MGAT4D: variants seen among roughly 807,000 people sequenced by gnomAD.
MGAT4D encodes the protein alpha-1,3-mannosyl-glycoprotein 4-beta-N-acetylglucosaminyltransferase-like protein MGAT4D.
MGAT4D carries 34 observed loss-of-function variants against 15.9 expected under a neutral mutation model. That is an observed-to-expected ratio of 2.14 (90% CI 1.62 to 2.84). The LOEUF (loss-of-function observed/expected upper bound fraction) is 2.84, where lower values mean the gene tolerates loss of function less well. Ranked by LOEUF, MGAT4D falls within the 30% of genes most tolerant of loss-of-function variation. The pLI is 0.00. For missense variants in MGAT4D, 327 were observed against 140.2 expected, an observed-to-expected ratio of 2.33 and a Z score of -6.73; for synonymous variants, 112 against 48.2, an observed-to-expected ratio of 2.33 and a Z score of -5.49.
intron 8 of MGAT4D, 127 bp from the exon 9 acceptor site, chr4:140,456,846 C>T (rs17005942): frequency 0.18 from 88,760 of 479,798 alleles, 8,621 homozygotes; most frequent in South Asian, 0.26. Context: ...GATTAAAGCA[C>T]TGCTGAAGTT....
At chr4:140,454,062 T>C (rs569388845) in intron 9 of MGAT4D, among the ~76,000 whole-genome samples, 6 of 152,104 alleles carry the variant, frequency 3.9e-5, no homozygotes, top group African/African-American at 1.4e-4. Context: ...ATTTTCTACA[T>C]AGACAATCAT....
intron 7 of MGAT4D, among the ~76,000 whole-genome samples, chr4:140,460,039 C>G (rs577342555): frequency 3.5e-4 from 53 of 152,000 alleles, no homozygotes; most frequent in African/African-American, 1.2e-3. Context: ...CCCAAAGTGC[C>G]GAGATTACAG....
At chr4:140,459,733 G>T (rs1731042262) in intron 7 of MGAT4D, 107 bp from the exon 8 acceptor site, 2 of 302,822 alleles carry the variant, frequency 6.6e-6, no homozygotes. Context: ...GAAGAAAATG[G>T]TTTTATAAAA....
chr4:140,447,569 C>T (rs1476982945), intron 10 of MGAT4D, among the ~76,000 whole-genome samples: 1 of 152,104 alleles, frequency 6.6e-6, no homozygotes, highest in Non-Finnish European at 1.5e-5. Flanking sequence ...TTTCTCCATC[C>T]ATTTATTTTG....
At chr4:140,457,155 G>T (rs190905743) in intron 8 of MGAT4D, 1 of 151,820 alleles carries the variant, frequency 6.6e-6, no homozygotes, top group Admixed American at 6.6e-5. Context: ...TCTCATTTCA[G>T]TATTTGAGCA....
chr4:140,455,905 C>T (rs1189929872), intron 9 of MGAT4D, among the ~76,000 whole-genome samples: 15 of 152,128 alleles, frequency 9.9e-5, no homozygotes, highest in African/African-American at 2.6e-4. Context: ...TGGAGGGCAA[C>T]GTGGGCTGAT....
intron 3 of MGAT4D, 110 bp downstream of exon 3, chr4:140,479,380 T>C (rs1732544519): frequency 2.7e-6 from 1 of 364,862 alleles, no homozygotes; most frequent in Non-Finnish European, 4.9e-6. Flanking sequence ...AGATAGGCTG[T>C]AGTCTGCATA....
At chr4:140,454,929 T>C (rs1730702918) in intron 9 of MGAT4D, among the ~76,000 whole-genome samples, 1 of 146,494 alleles carries the variant, frequency 6.8e-6, no homozygotes, top group Admixed American at 7.0e-5. Flanking sequence ...TGGAGTATGC[T>C]GTGGAACTCC....
At chr4:140,449,754 C>T (rs930110545) in intron 10 of MGAT4D, among the ~76,000 whole-genome samples, 51 of 50,564 alleles carry the variant, frequency 1.0e-3, no homozygotes, top group African/African-American at 2.0e-3. Flanking sequence ...AGTGAGACTC[C>T]TTCTCAAAAA....
At chr4:140,443,638 CAATTTT>C (rs991624346) in intron 10 of MGAT4D, among the ~76,000 whole-genome samples, 194 bp from the exon 11 acceptor site, 1 of 152,058 alleles carries the variant, frequency 6.6e-6, no homozygotes, top group Admixed American at 6.6e-5. Flanking sequence ...TAGACAATGC[CAATTTT>C]AATACTCTTA....
chr4:140,451,461 G>A lies in MGAT4D; in HGVS notation c.1065C>T (p.Phe355=). Residue 355 remains phenylalanine, a synonymous_variant, in exon 10 of 11, where the codon TTC becomes TTT. Coordinates refer to ENST00000511113, the MANE Select transcript of MGAT4D (RefSeq NM_001277353.2). ...ATGATGAATGTATACCCACATGCTG[G>A]AAAAGAGAAGGTTTATACTGAATAC... ...QIRIQYKPSL[F]QHVGIHSSFP... 1 of 631,772 alleles carries A rather than the reference G, an allele frequency of 1.6e-6. No individual in the cohort carries two copies. Among genetic ancestry groups the A allele is most frequent in the Non-Finnish European group, 2.9e-6 (1 of 345,522 alleles). The allele number at this position is 631,772 out of a possible 1,614,324, so 39.1% of individuals were successfully genotyped here. A position where few individuals can be genotyped will look rare whatever the true frequency, so the allele number is the denominator to read the frequency against.
At chr4:140,495,606 A>T (rs1733785449) in intron 1 of MGAT4D, among the ~76,000 whole-genome samples, 1 of 152,234 alleles carries the variant, frequency 6.6e-6, no homozygotes, top group Non-Finnish European at 1.5e-5. Flanking sequence ...AAAAACAGGA[A>T]GTATGTTCTG....
chr4:140,456,269 A>G (rs2126700146), intron 9 of MGAT4D, among the ~76,000 whole-genome samples: 1 of 152,338 alleles, frequency 6.6e-6, no homozygotes, highest in African/African-American at 2.4e-5. Flanking sequence ...ATCATTTGAA[A>G]AATCTACCCT....
chr4:140,471,755 A>G lies in MGAT4D; in HGVS notation c.572+20T>C, dbSNP rs1432302061. 1 of 456,126 alleles carries G rather than the reference A, an allele frequency of 2.2e-6. No homozygotes were observed. The allele number at this position is 456,126 out of a possible 1,614,324, so 28.3% of individuals were successfully genotyped here. On this transcript the variant is annotated intron_variant, in intron 5 of 10. Coordinates refer to ENST00000511113, the MANE Select transcript of MGAT4D (RefSeq NM_001277353.2). ...AAATGAAAGAATGGCTAATGTAAAA[A>G]TATATCAGACAGTACTTACTTTTTT...
chr4:140,466,315 G>C (rs1731529002), intron 5 of MGAT4D, among the ~76,000 whole-genome samples: 1 of 152,092 alleles, frequency 6.6e-6, no homozygotes, highest in East Asian at 1.9e-4. Context: ...TGGTTGTGGT[G>C]AAATTATGTC....
intron 1 of MGAT4D, among the ~76,000 whole-genome samples, chr4:140,493,514 C>T (rs2126880757): frequency 6.6e-6 from 1 of 152,110 alleles, no homozygotes; most frequent in Admixed American, 6.5e-5. Flanking sequence ...CCAGGATGGT[C>T]TCGATCTCCT....
intron 10 of MGAT4D, among the ~76,000 whole-genome samples, chr4:140,446,378 C>A (rs1011814255): frequency 2.6e-5 from 4 of 152,104 alleles, no homozygotes; most frequent in African/African-American, 9.7e-5. Context: ...GATTCACTTT[C>A]TTCCTGGTTA....
chr4:140,465,913 C>T lies in MGAT4D; in HGVS notation c.573-904G>A, dbSNP rs927095053. 2.0e-5 allele frequency among the ~76,000 whole-genome samples: 3 copies of T among 152,148 alleles called. No homozygotes were observed. In the East Asian group the frequency reaches 5.8e-4, roughly 29 times the overall value. ...ATATTGTGAACAATTGTGTAAAGTA[C>T]AAACTTCACTGCTAGCTCTTCAATG... On this transcript the variant is annotated intron_variant, in intron 5 of 10. Transcript: ENST00000511113.
At chr4:140,455,833 T>G (rs372626749) in intron 9 of MGAT4D, among the ~76,000 whole-genome samples, 1 of 152,208 alleles carries the variant, frequency 6.6e-6, no homozygotes, top group Non-Finnish European at 1.5e-5. Flanking sequence ...AAGTGTATTC[T>G]GATATTAATA....
Sources: gnomAD v4.1 joint callset for allele counts (sites outside exome capture counted in the v4.1 genomes callset) on GRCh38, gnomAD v4.1.1 for gene constraint, MANE v1.5 for transcripts, NCBI Gene and HGNC (gene_info 2026-07-23, HGNC 2026-07-21) for gene names.